GPC3: variants seen among roughly 807,000 people sequenced by gnomAD.
GPC3 encodes glypican 3.
In GPC3, 3 loss-of-function variants were observed where a neutral mutation model predicts 34.4. The ratio of observed to expected loss-of-function variants is 0.09; its 90% CI spans 0.04 to 0.23. The LOEUF (loss-of-function observed/expected upper bound fraction) is 0.23. GPC3 is among the 10% of genes least tolerant of loss of function. The pLI is 1.00. For missense variants in GPC3, 351 were observed against 445.6 expected, an observed-to-expected ratio of 0.79 and a Z score of 1.91; for synonymous variants, 177 against 174.0, an observed-to-expected ratio of 1.02 and a Z score of -0.13.
At chrX:133,568,009 C>G (rs1032685385) in intron 7 of GPC3, among the ~76,000 whole-genome samples, 1 of 112,133 alleles carries the variant, frequency 8.9e-6, no homozygotes, top group Non-Finnish European at 1.9e-5. Context: ...CTTAACAATG[C>G]AAAATCTGAA....
chrX:133,952,956 T>C (rs2076399511), intron 2 of GPC3, 94 bp downstream of exon 2: 7 of 800,816 alleles, frequency 8.7e-6, no homozygotes, highest in Admixed American at 4.6e-5. Flanking sequence ...AATGCTGGAA[T>C]GGTAATTTAT....
chrX:133,841,715 A>G (rs776396444), intron 2 of GPC3, among the ~76,000 whole-genome samples: 1 of 111,931 alleles, frequency 8.9e-6, no homozygotes, highest in Non-Finnish European at 1.9e-5. Flanking sequence ...TATTAATCTT[A>G]GGTGTGTCTG....
chrX:133,897,196 G>A (rs980375565), intron 2 of GPC3, among the ~76,000 whole-genome samples: 5 of 101,378 alleles, frequency 4.9e-5, no homozygotes, highest in African/African-American at 1.1e-4. Context: ...GTGAGCTACC[G>A]TGCCCGGCCT....
intron 1 of GPC3, among the ~76,000 whole-genome samples, chrX:133,982,744 A>G (rs1249952511): frequency 8.9e-6 from 1 of 112,050 alleles, no homozygotes. Flanking sequence ...TAATGCAGTT[A>G]ATATAGTGCA....
intron 6 of GPC3, among the ~76,000 whole-genome samples, chrX:133,642,998 ACTGG>A (rs1450601456): frequency 7.2e-5 from 8 of 111,338 alleles, no homozygotes; most frequent in African/African-American, 2.3e-4. Context: ...AAGGAGTTGG[ACTGG>A]CCAAAAATAG....
intron 3 of GPC3, among the ~76,000 whole-genome samples, chrX:133,725,345 G>C (rs758280761): frequency 1.0e-3 from 117 of 111,783 alleles, no homozygotes; most frequent in Non-Finnish European, 1.6e-3. Flanking sequence ...GCAACACAGG[G>C]AGACCCTGTC....
chrX:133,865,741 C>T (rs1455773901), intron 2 of GPC3, among the ~76,000 whole-genome samples: 1 of 112,115 alleles, frequency 8.9e-6, no homozygotes, highest in Non-Finnish European at 1.9e-5. Context: ...CCAATTAATG[C>T]ACCATTTTGG....
At chrX:133,620,036 C>T (rs770271578) in intron 6 of GPC3, among the ~76,000 whole-genome samples, 7 of 108,549 alleles carry the variant, frequency 6.4e-5, no homozygotes, top group African/African-American at 3.4e-5. Flanking sequence ...CTGGCTAACA[C>T]GGTGAAACCC....
At chrX:133,849,678 T>C (rs1457862828) in intron 2 of GPC3, among the ~76,000 whole-genome samples, 1 of 111,721 alleles carries the variant, frequency 9.0e-6, no homozygotes, top group African/African-American at 3.3e-5. Flanking sequence ...CCCACTTAAC[T>C]GTCACCTGAT....
chrX:133,646,964 T>C (rs2070550882), intron 6 of GPC3, among the ~76,000 whole-genome samples: 1 of 112,167 alleles, frequency 8.9e-6, no homozygotes, highest in Admixed American at 9.5e-5. Flanking sequence ...TTCCACTGCA[T>C]TTCTCAATAA....
chrX:133,674,157 G>T (rs1018452443), intron 5 of GPC3, among the ~76,000 whole-genome samples: 3 of 110,854 alleles, frequency 2.7e-5, no homozygotes, highest in African/African-American at 9.9e-5. Flanking sequence ...AGCCCAGGAG[G>T]TTGAGACTGC....
intron 6 of GPC3, among the ~76,000 whole-genome samples, chrX:133,648,785 C>T (rs1475264640): frequency 8.9e-6 from 1 of 112,294 alleles, no homozygotes; most frequent in Non-Finnish European, 1.9e-5. Flanking sequence ...TGAGCCACTG[C>T]TCATGCCATA....
chrX:133,763,423 A>T (rs1406412714), intron 2 of GPC3: 3 of 536,760 alleles, frequency 5.6e-6, no homozygotes, highest in East Asian at 3.4e-5. Flanking sequence ...TCCTGAAGAG[A>T]CTGAAAAAGA....
In GPC3 at chrX:133,698,992, G is replaced by A. The variant is rs956607977; in HGVS notation, c.1166+903C>T. Among the ~76,000 whole-genome samples the A allele has an allele frequency of 6.2e-5, 7 of 112,039 alleles. 1 individual carries two copies. Among genetic ancestry groups the A allele is most frequent in the Non-Finnish European group, 1.3e-4 (7 of 53,230 alleles). ...CAAAAAAAGTGAGTAACATCATTGG[G>A]CAGTCTCGATCTCCTAACACCAAAG... On this transcript the variant is annotated intron_variant, in intron 4 of 7. Transcript: ENST00000370818.
At chrX:133,736,295 A>C (rs1030783608) in intron 3 of GPC3, among the ~76,000 whole-genome samples, 1 of 112,228 alleles carries the variant, frequency 8.9e-6, no homozygotes. Context: ...TAAATTGCTC[A>C]GCTTCACTGG....
At chrX:133,777,925 G>T (rs1393988036) in intron 2 of GPC3, among the ~76,000 whole-genome samples, 8 of 112,010 alleles carry the variant, frequency 7.1e-5, no homozygotes, top group African/African-American at 2.3e-4. Flanking sequence ...CCGGTCTTTT[G>T]TTCTTTCCAT....
chrX:133,956,524 T>G (rs1053674436), intron 1 of GPC3, among the ~76,000 whole-genome samples: 5 of 112,368 alleles, frequency 4.4e-5, no homozygotes, highest in African/African-American at 1.6e-4. Flanking sequence ...GCAGGTACTT[T>G]CACATACAAA....
intron 7 of GPC3, among the ~76,000 whole-genome samples, chrX:133,585,846 T>C (rs1361011707): frequency 4.4e-5 from 5 of 112,371 alleles, no homozygotes; most frequent in African/African-American, 1.6e-4. Context: ...AGAAAATCAA[T>C]TGCACCACTT....
At chrX:133,680,994 A>G (rs2070937102) in intron 5 of GPC3, among the ~76,000 whole-genome samples, 1 of 111,827 alleles carries the variant, frequency 8.9e-6, no homozygotes, top group Admixed American at 9.5e-5. Flanking sequence ...AAATAACATA[A>G]AAATGAGAGG....
Sources: allele counts gnomAD v4.1 joint callset (sites outside exome capture counted in the v4.1 genomes callset), GRCh38; gene constraint gnomAD v4.1.1; transcripts MANE v1.5; gene names NCBI Gene and HGNC (gene_info 2026-07-23, HGNC 2026-07-21).